The following DLG2 variants were observed in gnomAD, a reference collection of about 807,000 sequenced individuals.
DLG2 encodes the protein discs large MAGUK scaffold protein 2, also known as disks large homolog 2.
Under a neutral mutation model 132.5 loss-of-function variants are expected in DLG2, and 45 were observed. The ratio of observed to expected loss-of-function variants is 0.34; its 90% CI spans 0.27 to 0.44. The LOEUF (loss-of-function observed/expected upper bound fraction) is 0.44. Ranked by LOEUF, DLG2 falls within the 20% of genes least tolerant of loss-of-function variation. The pLI, the probability that DLG2 is intolerant of heterozygous loss-of-function variation, is 1.00. For missense variants in DLG2, 1,045 were observed against 1,196.9 expected (o/e 0.87, Z 1.87); for synonymous variants, 424 against 419.6 (o/e 1.01, Z -0.13).
chr11:85,594,980 C>T (rs1368492651), intron 3 of DLG2, among the ~76,000 whole-genome samples: 2 of 149,422 alleles, frequency 1.3e-5, no homozygotes, highest in Non-Finnish European at 3.0e-5. Context: ...GCAGGAGAAT[C>T]GCTTGAACCA....
intron 6 of DLG2, among the ~76,000 whole-genome samples, chr11:84,650,521 T>C (rs564726350): frequency 5.1e-4 from 78 of 152,250 alleles, no homozygotes; most frequent in African/African-American, 1.8e-3. Flanking sequence ...AAGCCAAGAA[T>C]AGTGAGAAGG....
In DLG2 at chr11:84,112,556, AT is replaced by A. The variant is rs1027916405; in HGVS notation, c.625-13510del. On this transcript the variant is annotated intron_variant, in intron 9 of 27. Coordinates refer to ENST00000376104, the MANE Select transcript of DLG2 (RefSeq NM_001142699.3). ...TTTTTTTTTAGGCAGATAACTAGAG[AT>A]TTTTTTCTGGCGGTGTGCACTTATT... Among the ~76,000 whole-genome samples the A allele has an allele frequency of 3.3e-5, 5 of 149,924 alleles. No individual in the cohort carries two copies. In the East Asian group the frequency reaches 7.9e-4, roughly 24 times the overall value.
At chr11:83,655,417 C>T (rs565399783) in intron 18 of DLG2, among the ~76,000 whole-genome samples, 1 of 152,094 alleles carries the variant, frequency 6.6e-6, no homozygotes, top group African/African-American at 2.4e-5. Flanking sequence ...TATTACTCAG[C>T]CTTTTCTGTT....
intron 7 of DLG2, among the ~76,000 whole-genome samples, chr11:84,522,742 T>C (rs1481087429): frequency 1.3e-5 from 2 of 152,234 alleles, no homozygotes; most frequent in East Asian, 1.9e-4. Context: ...AATAGACGCA[T>C]TTAAAAATTG....
intron 6 of DLG2, among the ~76,000 whole-genome samples, chr11:84,845,990 A>T (rs1414347567): frequency 6.6e-6 from 1 of 151,914 alleles, no homozygotes; most frequent in Non-Finnish European, 1.5e-5. Flanking sequence ...TCTTTTGATT[A>T]TCATTGTACC....
intron 9 of DLG2, among the ~76,000 whole-genome samples, chr11:84,120,253 A>G (rs72951873): frequency 0.011 from 1,655 of 152,326 alleles, 9 homozygotes; most frequent in Non-Finnish European, 0.016. Flanking sequence ...AGGTATTTAC[A>G]TACCAGTATG....
intron 8 of DLG2, among the ~76,000 whole-genome samples, chr11:84,214,859 T>C (rs1331264529): frequency 1.3e-5 from 2 of 152,178 alleles, no homozygotes; most frequent in African/African-American, 2.4e-5. Context: ...AGAGCAATCA[T>C]ATATCAGAAA....
At chr11:84,445,090 G>T (rs958903864) in intron 7 of DLG2, among the ~76,000 whole-genome samples, 3 of 152,144 alleles carry the variant, frequency 2.0e-5, no homozygotes, top group Non-Finnish European at 4.4e-5. Flanking sequence ...GGGATTACAG[G>T]CGTGAGCCAC....
At chr11:83,874,145 G>A (rs1003604471) in intron 16 of DLG2, among the ~76,000 whole-genome samples, 1 of 137,632 alleles carries the variant, frequency 7.3e-6, no homozygotes, top group African/African-American at 2.8e-5. Flanking sequence ...GGGGAGGTAG[G>A]GAAGGAAAGA....
chr11:84,332,634 G>A (rs1231944546), intron 7 of DLG2, among the ~76,000 whole-genome samples: 1 of 148,754 alleles, frequency 6.7e-6, no homozygotes, highest in East Asian at 2.1e-4. Flanking sequence ...GTGAGCCACC[G>A]CGCCTGGCCG....
At chr11:83,923,814 C>A (rs371950182) in intron 15 of DLG2, among the ~76,000 whole-genome samples, 1 of 152,256 alleles carries the variant, frequency 6.6e-6, no homozygotes, top group East Asian at 1.9e-4. Flanking sequence ...ACTTTTCCCA[C>A]ACAGGTGGCA....
intron 3 of DLG2, among the ~76,000 whole-genome samples, chr11:85,467,792 C>T (rs1023879056): frequency 6.6e-6 from 1 of 152,114 alleles, no homozygotes; most frequent in African/African-American, 2.4e-5. Context: ...ATGTCTCTGC[C>T]AGGCTTTGGT....
chr11:84,845,872 G>T (rs2081402118), intron 6 of DLG2, among the ~76,000 whole-genome samples: 1 of 151,774 alleles, frequency 6.6e-6, no homozygotes, highest in Non-Finnish European at 1.5e-5. Context: ...TAGAGATAGG[G>T]TTTCACCACG....
chr11:83,594,813 G>C (rs2057283729), intron 19 of DLG2, among the ~76,000 whole-genome samples: 1 of 152,164 alleles, frequency 6.6e-6, no homozygotes, highest in Non-Finnish European at 1.5e-5. Context: ...CTCAGCAAAA[G>C]CAAGTGGGCT....
chr11:84,001,563 GA>G (rs2094346870), intron 11 of DLG2, among the ~76,000 whole-genome samples: 1 of 151,946 alleles, frequency 6.6e-6, no homozygotes, highest in South Asian at 2.1e-4. Flanking sequence ...AATTAACAAA[GA>G]AACATTAAAG....
intron 21 of DLG2, among the ~76,000 whole-genome samples, chr11:83,519,653 A>T (rs1024703118): frequency 6.6e-6 from 1 of 152,240 alleles, no homozygotes; most frequent in African/African-American, 2.4e-5. Context: ...TCTTCAAAAA[A>T]CATCAATTGT....
chr11:84,496,056 TGGAG>T (rs1208063306), intron 7 of DLG2, among the ~76,000 whole-genome samples: 3 of 152,094 alleles, frequency 2.0e-5, no homozygotes, highest in African/African-American at 7.2e-5. Flanking sequence ...GCATCTAAGC[TGGAG>T]TGAGCTAAGC....
intron 15 of DLG2, among the ~76,000 whole-genome samples, chr11:83,912,155 C>T (rs1360006061): frequency 1.3e-5 from 1 of 78,784 alleles, no homozygotes; most frequent in African/African-American, 5.3e-5. Context: ...AAAATGTCAT[C>T]AAAATTATAT....
chr11:85,462,652 G>T, intron 3 of DLG2, among the ~76,000 whole-genome samples: 1 of 152,108 alleles, frequency 6.6e-6, no homozygotes, highest in Admixed American at 6.5e-5. Context: ...GGCCTGTTGT[G>T]GGGTGGGGGG....
Sources: allele counts gnomAD v4.1 joint callset (sites outside exome capture counted in the v4.1 genomes callset), GRCh38; gene constraint gnomAD v4.1.1; transcripts MANE v1.5; gene names NCBI Gene and HGNC (gene_info 2026-07-23, HGNC 2026-07-21).